Variants in CAMTA1 observed in about 807,000 individuals in gnomAD.
CAMTA1 encodes calmodulin-binding transcription activator 1.
Under a neutral mutation model 170.9 loss-of-function variants are expected in CAMTA1, and 27 were observed. The observed-to-expected ratio is 0.16, with a 90% CI of 0.12 to 0.22. The LOEUF (loss-of-function observed/expected upper bound fraction) is 0.22, where lower values mean the gene tolerates loss of function less well. Ranked by LOEUF, CAMTA1 falls within the 10% of genes least tolerant of loss-of-function variation. The pLI, the probability that CAMTA1 is intolerant of heterozygous loss-of-function variation, is 1.00. For synonymous variants in CAMTA1, 833 were observed against 891.5 expected (o/e 0.93, Z 1.17); for missense variants, 1,619 against 2,217.2 (o/e 0.73, Z 5.42).
At chr1:7,000,577 C>T (rs1698076427) in intron 3 of CAMTA1, among the ~76,000 whole-genome samples, 1 of 152,180 alleles carries the variant, frequency 6.6e-6, no homozygotes, top group African/African-American at 2.4e-5. Flanking sequence ...TTATGGGGCT[C>T]CTATCCTGAG....
chr1:6,902,363 T>C (rs1178262244), intron 3 of CAMTA1, among the ~76,000 whole-genome samples: 4 of 152,182 alleles, frequency 2.6e-5, no homozygotes, highest in African/African-American at 7.2e-5. Flanking sequence ...AGCAACTTCA[T>C]TGGAGTACTA....
chr1:6,916,295 G>A (rs1680774505), intron 3 of CAMTA1, among the ~76,000 whole-genome samples: 2 of 152,098 alleles, frequency 1.3e-5, no homozygotes, highest in Admixed American at 6.5e-5. Context: ...AAGCTCATCC[G>A]TTTTCCAAGA....
intron 1 of CAMTA1, among the ~76,000 whole-genome samples, chr1:6,801,334 A>G (rs1643801553): frequency 1.3e-5 from 2 of 152,044 alleles, no homozygotes; most frequent in African/African-American, 4.8e-5. Flanking sequence ...GTCCTCTCCA[A>G]GTATTTTTAG....
intron 1 of CAMTA1, among the ~76,000 whole-genome samples, chr1:6,785,779 G>A (rs1444495432): frequency 7.3e-6 from 1 of 137,712 alleles, no homozygotes; most frequent in East Asian, 2.2e-4. Context: ...GGGGCCGGCG[G>A]AGCGCGGCGC....
intron 3 of CAMTA1, among the ~76,000 whole-genome samples, chr1:6,897,494 A>G (rs943849300): frequency 7.2e-5 from 11 of 152,242 alleles, no homozygotes; most frequent in Middle Eastern, 3.2e-3. Context: ...CCCAGATTGT[A>G]TATCGCTTTT....
chr1:7,186,215 A>T (rs1653236132), intron 4 of CAMTA1, among the ~76,000 whole-genome samples: 1 of 152,202 alleles, frequency 6.6e-6, no homozygotes. Context: ...AGCAAATGAG[A>T]TAAAGACATT....
At chr1:7,718,557 T>A (rs972158826) in intron 11 of CAMTA1, among the ~76,000 whole-genome samples, 3 of 147,634 alleles carry the variant, frequency 2.0e-5, no homozygotes, top group Non-Finnish European at 4.5e-5. Context: ...TACAGCACTT[T>A]TTTTTTTTTT....
At chr1:7,236,983 G>A (rs1574101869) in intron 4 of CAMTA1, among the ~76,000 whole-genome samples, 1 of 152,330 alleles carries the variant, frequency 6.6e-6, no homozygotes, top group South Asian at 2.1e-4. Flanking sequence ...GTCTTGTCAC[G>A]GGAGCCTGAT....
chr1:7,013,857 T>C (rs1403704271), intron 3 of CAMTA1, among the ~76,000 whole-genome samples: 1 of 152,198 alleles, frequency 6.6e-6, no homozygotes, highest in African/African-American at 2.4e-5. Context: ...AACTATCCCA[T>C]AATGCTCGGC....
At position 7,575,572 on chromosome 1, in the gene CAMTA1, C is replaced by T. The variant is rs180785729; in HGVS notation, c.511-64828C>T. 1.4e-4 allele frequency among the ~76,000 whole-genome samples: 21 copies of T among 152,356 alleles called. No homozygotes were observed. The East Asian group carries it at 3.5e-3, about 25-fold the overall frequency. On this transcript the variant is annotated intron_variant, in intron 6 of 22. Transcript: ENST00000303635. ...CCTCAAATGCCCATGTGACTTTGGG[C>T]TAGTCACCTCCCTGCCCAGGGCCTC... is the stretch of plus-strand genomic sequence containing the variant.
intron 5 of CAMTA1, among the ~76,000 whole-genome samples, chr1:7,436,600 G>A (rs928078451): frequency 1.3e-5 from 2 of 152,200 alleles, no homozygotes; most frequent in Admixed American, 1.3e-4. Context: ...CTCCTTGCCA[G>A]GGCCTGGTCC....
intron 5 of CAMTA1, among the ~76,000 whole-genome samples, chr1:7,363,432 A>G (rs777427709): frequency 1.3e-5 from 2 of 152,058 alleles, no homozygotes; most frequent in Non-Finnish European, 1.5e-5. Context: ...TAAATAATGG[A>G]TGGAGGAATG....
intron 3 of CAMTA1, among the ~76,000 whole-genome samples, chr1:6,838,140 A>G (rs1489563908): frequency 6.6e-6 from 1 of 152,144 alleles, no homozygotes; most frequent in East Asian, 1.9e-4. Flanking sequence ...AACAAATATC[A>G]TTTAGTCTAG....
intron 4 of CAMTA1, among the ~76,000 whole-genome samples, chr1:7,233,339 G>C (rs571666489): frequency 3.3e-5 from 5 of 152,310 alleles, no homozygotes; most frequent in Non-Finnish European, 7.4e-5. Context: ...GGTGGCATTG[G>C]AGCAGGGCTC....
chr1:7,287,008 TA>T (rs978869536), intron 5 of CAMTA1, among the ~76,000 whole-genome samples: 1 of 152,244 alleles, frequency 6.6e-6, no homozygotes, highest in African/African-American at 2.4e-5. Context: ...CTCTGAGACT[TA>T]CTCCATCAGT....
rs183165093 is a variant in CAMTA1, at chr1:6,931,157, G to C, written c.234+105947G>C. 3.3e-5 allele frequency among the ~76,000 whole-genome samples: 5 copies of C among 152,372 alleles called. No homozygotes were observed. In the East Asian group the frequency reaches 9.6e-4, roughly 29 times the overall value. ...CTAGCTGCTCATCTGAGGGAAGCAA[G>C]AGGGTGTGGGCTGGGCACCCCTAGG... On this transcript the variant is annotated intron_variant, in intron 3 of 22. Transcript: ENST00000303635.
intron 3 of CAMTA1, among the ~76,000 whole-genome samples, chr1:6,930,828 C>T (rs963825273): frequency 6.6e-6 from 1 of 152,208 alleles, no homozygotes; most frequent in African/African-American, 2.4e-5. Context: ...GCTTGGGCCT[C>T]TCTGGAGTCT....
chr1:6,908,690 A>T (rs894333058), intron 3 of CAMTA1, among the ~76,000 whole-genome samples: 1 of 152,222 alleles, frequency 6.6e-6, no homozygotes, highest in African/African-American at 2.4e-5. Flanking sequence ...TTCAACTTTG[A>T]TAACATACCC....
intron 5 of CAMTA1, among the ~76,000 whole-genome samples, chr1:7,368,021 T>G (rs934952017): frequency 5.3e-5 from 8 of 150,124 alleles, no homozygotes; most frequent in Non-Finnish European, 1.2e-4. Flanking sequence ...GCACTCATGG[T>G]TTCACTGGGT....
Sources: gnomAD v4.1 joint callset for allele counts (sites outside exome capture counted in the v4.1 genomes callset) on GRCh38, gnomAD v4.1.1 for gene constraint, MANE v1.5 for transcripts, NCBI Gene and HGNC (gene_info 2026-07-23, HGNC 2026-07-21) for gene names.